RP1: variants seen among roughly 807,000 people sequenced by gnomAD.
The protein encoded by RP1 is RP1 axonemal microtubule associated.
Under a neutral mutation model 14.8 loss-of-function variants are expected in RP1, and 16 were observed. The observed-to-expected ratio is 1.08, with a 90% CI of 0.73 to 1.65. The LOEUF is 1.65. RP1 is among the 40% of genes most tolerant of loss of function. The pLI is 0.00. For synonymous variants in RP1, 876 were observed against 883.6 expected (o/e 0.99, Z 0.15); for missense variants, 2,631 against 2,535.0 (o/e 1.04, Z -0.81).
chr8:54,635,010 AG>A (rs1302439044), downstream of RP1, among the ~76,000 whole-genome samples: 1 of 151,628 alleles, frequency 6.6e-6, no homozygotes, highest in Non-Finnish European at 1.5e-5. Context: ...TGAACCCAGG[AG>A]GCGGAGCTTG....
intron 17 of RP1, among the ~76,000 whole-genome samples, chr8:54,730,976 TTTGTTTTCAG>T (rs1257946733): frequency 6.6e-6 from 1 of 152,094 alleles, no homozygotes; most frequent in South Asian, 2.1e-4. Flanking sequence ...TTAGGACACA[TTTGTTTTCAG>T]TTGTTTTCAA....
chr8:54,697,772 C>T (rs1486688687), intron 12 of RP1, among the ~76,000 whole-genome samples: 1 of 152,112 alleles, frequency 6.6e-6, no homozygotes, highest in Non-Finnish European at 1.5e-5. Flanking sequence ...ACAAACCTGA[C>T]AAAAACAAGC....
At chr8:54,751,155 C>A (rs1809360610) in intron 19 of RP1, among the ~76,000 whole-genome samples, 1 of 152,232 alleles carries the variant, frequency 6.6e-6, no homozygotes. Flanking sequence ...CACATCGCCA[C>A]CCATTCTTGA....
chr8:54,798,214 G>A (rs1451829888), intron 24 of RP1, among the ~76,000 whole-genome samples: 1 of 151,976 alleles, frequency 6.6e-6, no homozygotes, highest in Non-Finnish European at 1.5e-5. Flanking sequence ...GGGGTTTCAT[G>A]TTGCCCAGGG....
At chr8:54,716,556 A>G (rs1250988318) in intron 15 of RP1, among the ~76,000 whole-genome samples, 1 of 152,186 alleles carries the variant, frequency 6.6e-6, no homozygotes, top group African/African-American at 2.4e-5. Flanking sequence ...TGATATTATA[A>G]TCAGAGCATT....
intron 15 of RP1, among the ~76,000 whole-genome samples, chr8:54,718,421 A>G (rs1018748609): frequency 1.1e-4 from 17 of 152,220 alleles, no homozygotes; most frequent in African/African-American, 4.1e-4. Flanking sequence ...ACACAAATAC[A>G]GTGAAGTGAT....
intron 19 of RP1, among the ~76,000 whole-genome samples, chr8:54,743,292 T>C (rs1809144941): frequency 6.6e-6 from 1 of 152,200 alleles, no homozygotes; most frequent in Admixed American, 6.5e-5. Flanking sequence ...TTTACTGACA[T>C]GAAGTCCATT....
At chr8:54,845,042 T>C (rs113717958) in intron 25 of RP1, among the ~76,000 whole-genome samples, 1,957 of 152,086 alleles carry the variant, frequency 0.013, 50 homozygotes, top group African/African-American at 0.044. Flanking sequence ...ACGGTCAGAG[T>C]CTGGGAAGCG....
chr8:54,639,452 GCTTTTAT>G (rs1445730680), intron 3 of RP1, among the ~76,000 whole-genome samples: 20 of 152,062 alleles, frequency 1.3e-4, no homozygotes, highest in African/African-American at 3.9e-4. Context: ...GAGATTGCTA[GCTTTTAT>G]GGTAATTGTA....
At chr8:54,781,280 C>T (rs944988256) in intron 23 of RP1, among the ~76,000 whole-genome samples, 2 of 152,056 alleles carry the variant, frequency 1.3e-5, no homozygotes, top group East Asian at 3.9e-4. Context: ...AATATTTAGA[C>T]TTCAATTACG....
intron 22 of RP1, among the ~76,000 whole-genome samples, chr8:54,762,103 G>A (rs1226803889): frequency 3.3e-5 from 5 of 152,276 alleles, no homozygotes; most frequent in African/African-American, 1.2e-4. Context: ...AGCTGGGTAG[G>A]GTATGATGCT....
At chr8:54,568,028 C>A (rs1055847206) in intron 1 of RP1, among the ~76,000 whole-genome samples, 2 of 152,132 alleles carry the variant, frequency 1.3e-5, no homozygotes, top group African/African-American at 4.8e-5. Flanking sequence ...GTGCTAAAAC[C>A]AGACTCTATT....
intron 27 of RP1, among the ~76,000 whole-genome samples, chr8:54,859,499 G>T (rs1812290703): frequency 6.6e-6 from 1 of 151,086 alleles, no homozygotes; most frequent in South Asian, 2.1e-4. Context: ...CTATGGAGTG[G>T]TATCAGTATA....
chr8:54,820,470 G>T (rs983383595), intron 24 of RP1, among the ~76,000 whole-genome samples: 1 of 152,082 alleles, frequency 6.6e-6, no homozygotes, highest in East Asian at 1.9e-4. Flanking sequence ...TATTGCTGGG[G>T]TGGAGGATTC....
intron 7 of RP1, among the ~76,000 whole-genome samples, chr8:54,668,423 T>C (rs1807067210): frequency 6.6e-6 from 1 of 152,174 alleles, no homozygotes; most frequent in Non-Finnish European, 1.5e-5. Context: ...ATAGGAAGAA[T>C]CAATATCCTG....
chr8:54,571,287 C>T (rs567308011), intron 1 of RP1, among the ~76,000 whole-genome samples: 5 of 152,378 alleles, frequency 3.3e-5, no homozygotes, highest in African/African-American at 1.2e-4. Flanking sequence ...CTCTGTTCCA[C>T]AGCACACATC....
chr8:54,571,563 A>G (rs1804523796), intron 1 of RP1, among the ~76,000 whole-genome samples: 1 of 152,188 alleles, frequency 6.6e-6, no homozygotes, highest in African/African-American at 2.4e-5. Context: ...AGCTGGAAGG[A>G]CTGGTTAAGA....
chr8:54,845,478 C>G (rs1438115855), intron 25 of RP1, among the ~76,000 whole-genome samples: 1 of 152,092 alleles, frequency 6.6e-6, no homozygotes, highest in African/African-American at 2.4e-5. Context: ...GCAGGGAAAC[C>G]AAGACGCCCG....
At chr8:54,702,595 A>T (rs1314644629) in intron 14 of RP1, among the ~76,000 whole-genome samples, 1 of 152,162 alleles carries the variant, frequency 6.6e-6, no homozygotes. Flanking sequence ...CTGATGAATC[A>T]GGGTGGTGGT....
Sources: allele counts gnomAD v4.1 joint callset (sites outside exome capture counted in the v4.1 genomes callset), GRCh38; gene constraint gnomAD v4.1.1; transcripts MANE v1.5; gene names NCBI Gene and HGNC (gene_info 2026-07-23, HGNC 2026-07-21).